CIAO2A: variants seen among roughly 807,000 people sequenced by gnomAD.
CIAO2A encodes the protein MIP18 family protein FAM96A.
A neutral mutation model predicts 22.4 loss-of-function variants in CIAO2A; 17 were observed. That is an observed-to-expected ratio of 0.76 (90% CI 0.52 to 1.14). The LOEUF (loss-of-function observed/expected upper bound fraction) is 1.14. Among genes scored for constraint, CIAO2A ranks in the 50% most tolerant of loss-of-function variants. The pLI is 0.00. For synonymous variants in CIAO2A, 74 were observed against 72.3 expected (o/e 1.02, Z -0.12); for missense variants, 192 against 191.4 (o/e 1.00, Z -0.02).
intron 2 of CIAO2A, among the ~76,000 whole-genome samples, chr15:64,085,757 G>A (rs1046962370): frequency 6.6e-6 from 1 of 151,718 alleles, no homozygotes; most frequent in African/African-American, 2.4e-5. Flanking sequence ...AGCCTGGGCT[G>A]GAGTGCAGTG....
chr15:64,088,744 G>T lies in CIAO2A; in HGVS notation c.232C>A (p.Leu78Met). The T allele has an allele frequency of 1.2e-6, 2 of 1,613,830 alleles. No individual in the cohort carries two copies. The highest frequency in any genetic ancestry group is 1.7e-6 in the Non-Finnish European group (2 of 1,179,918). The change falls in exon 2 of 5, where the codon CTG becomes ATG. Residue 78 changes from leucine to methionine, a missense_variant. Coordinates refer to ENST00000300030, the MANE Select transcript of CIAO2A (RefSeq NM_032231.7). ...GTTGGCGTGAACCTGATAATAACCA[G>T]ATATTCTTCTTCATTTATCTCCTGA... Reference protein sequence around the residue: ...EVQEINEEEYLVIIRFTPTVP... With the variant: ...EVQEINEEEYMVIIRFTPTVP...
chr15:64,083,467 G>A (rs77049701), intron 2 of CIAO2A, among the ~76,000 whole-genome samples: 11,766 of 152,090 alleles, frequency 0.077, 622 homozygotes, highest in Non-Finnish European at 0.12. Context: ...AGTCTTCCTT[G>A]TCAATCACTT....
chr15:64,085,078 T>C (rs1218373367), intron 2 of CIAO2A, among the ~76,000 whole-genome samples: 1 of 121,702 alleles, frequency 8.2e-6, no homozygotes, highest in Non-Finnish European at 1.8e-5. Flanking sequence ...AGACTCTGTC[T>C]CAAAAAATAA....
Position 64,072,955 on chromosome 15 carries a change from T to C in CIAO2A, c.459A>G (p.Glu153=), listed in dbSNP as rs2080684195. 6.2e-7 allele frequency: 1 copy of C among 1,613,596 alleles called. No individual in the cohort carries two copies. Among genetic ancestry groups the C allele is most frequent in the Non-Finnish European group, 8.5e-7 (1 of 1,179,582 alleles). Residue 153 remains glutamate (E), a synonymous_variant, in exon 5 of 5, where the codon GAA becomes GAG. Coordinates refer to ENST00000300030, the MANE Select transcript of CIAO2A (RefSeq NM_032231.7). ...MENPNLREIV[E]QCVLEPD ...ATCAGTCAGGTTCAAGGACACACTG[T>C]TCCACAATTTCCCGTAAGTTGGGGT... is the stretch of plus-strand genomic sequence containing the variant.
Position 64,088,687 on chromosome 15 carries a change from C to A in CIAO2A, c.289G>T (p.Gly97Trp). The change falls in exon 2 of 5, where the codon GGG (glycine) becomes TGG (tryptophan). Residue 97 changes from glycine (G) to tryptophan (W), a missense_variant and splice_region_variant. Physicochemically the swap from Gly to Trp is radical, Grantham distance 184. Transcript: ENST00000300030. ...TACATGTATGTACAGAAAAACTTACCAATAAGAGTCGCCAAAGAGCAATGA... is the reference window on the plus strand; with the variant it reads ...TACATGTATGTACAGAAAAACTTACAAATAAGAGTCGCCAAAGAGCAATGA... ...VPHCSLATLI[G>W]LCLRVKLQRC... The A allele has an allele frequency of 6.2e-7, 1 of 1,605,686 alleles. No individual in the cohort carries two copies. The highest frequency in any genetic ancestry group is 1.1e-5 in the South Asian group (1 of 89,324).
At chr15:64,077,800 G>A (rs1276671646) in intron 3 of CIAO2A, among the ~76,000 whole-genome samples, 1 of 152,206 alleles carries the variant, frequency 6.6e-6, no homozygotes, top group Non-Finnish European at 1.5e-5. Flanking sequence ...GAGCCAGGAG[G>A]AGGGACCGCC....
At chr15:64,088,574 A>C in intron 2 of CIAO2A, 113 bp downstream of exon 2, 1 of 783,352 alleles carries the variant, frequency 1.3e-6, no homozygotes, top group East Asian at 2.7e-5. Flanking sequence ...ATAAAGTGTA[A>C]TACATACACT....
intron 3 of CIAO2A, among the ~76,000 whole-genome samples, chr15:64,078,639 C>CAAAAAAAAAAAAAAAAAA (rs56266808): frequency 2.0e-4 from 26 of 129,118 alleles, no homozygotes; most frequent in African/African-American, 7.3e-4. Flanking sequence ...CCATCGCAAA[C>CAAAAAAAAAAAAAAAAAA]AAAAAAAAAA....
intron 2 of CIAO2A, among the ~76,000 whole-genome samples, chr15:64,088,190 G>C (rs2080812522): frequency 6.6e-6 from 1 of 152,134 alleles, no homozygotes; most frequent in African/African-American, 2.4e-5. Flanking sequence ...CCTCCTACCA[G>C]GACTTCTACC....
intron 2 of CIAO2A, among the ~76,000 whole-genome samples, chr15:64,081,776 T>G (rs1256885709): frequency 6.6e-6 from 1 of 152,168 alleles, no homozygotes; most frequent in South Asian, 2.1e-4. Flanking sequence ...TTACCTCAAG[T>G]GATCCGCCTG....
intron 4 of CIAO2A, chr15:64,074,546 C>T (rs565585753): frequency 6.6e-6 from 1 of 152,278 alleles, no homozygotes; most frequent in Non-Finnish European, 1.5e-5. Flanking sequence ...AAGCCCTCAG[C>T]TCGTGGGGTT....
At chr15:64,085,609 G>A (rs11853292) in intron 2 of CIAO2A, among the ~76,000 whole-genome samples, 110,256 of 152,172 alleles carry the variant, frequency 0.72, 40,601 homozygotes, top group East Asian at 0.81. Context: ...TATTATTCCT[G>A]TTTTACAGAT....
In CIAO2A at chr15:64,093,837, T is replaced by A. The variant is rs554550087; in HGVS notation, c.-69A>T. On this transcript the variant is annotated 5_prime_UTR_variant, in exon 1 of 5. Transcript: ENST00000300030. The stretch of plus-strand genomic sequence containing the variant: ...CGTCTCTCAGCAGCCTCGGGATTGA[T>A]CAACTTCCTGGTCTTCAAATGGGCC... The A allele has an allele frequency of 1.5e-5, 24 of 1,574,994 alleles. No individual in the cohort carries two copies. In the African/African-American group the frequency reaches 2.6e-4, roughly 17 times the overall value.
chr15:64,088,945 T>G (rs2140115730), intron 1 of CIAO2A, 94 bp from the exon 2 acceptor site: 7 of 1,221,928 alleles, frequency 5.7e-6, no homozygotes, highest in East Asian at 5.0e-5. Flanking sequence ...CTGACTTCTC[T>G]TACGTTTAAG....
intron 1 of CIAO2A, among the ~76,000 whole-genome samples, 195 bp downstream of exon 1, chr15:64,093,450 C>T (rs2080860121): frequency 6.6e-6 from 1 of 152,062 alleles, no homozygotes; most frequent in African/African-American, 2.4e-5. Flanking sequence ...GAAAGACCCA[C>T]ACCCCCCACG....
rs950112056 is a variant in CIAO2A at position 64,072,796 on chromosome 15, C to T, written c.*135G>A. ...TAGGTACTACCTTATAATTAAATCTCGCTTGGAAAGAATCCTTTAAAAAAT... is the reference window on the plus strand; with the variant it reads ...TAGGTACTACCTTATAATTAAATCTTGCTTGGAAAGAATCCTTTAAAAAAT... On this transcript the variant is annotated 3_prime_UTR_variant, in exon 5 of 5. Transcript: ENST00000300030. 3.3e-5 allele frequency: 18 copies of T among 548,084 alleles called. No individual in the cohort carries two copies. The highest frequency in any genetic ancestry group is 3.2e-4 in the African/African-American group (17 of 52,414). 34.0% of individuals were successfully genotyped at this position (548,084 alleles called of 1,614,324 possible). A position where few individuals can be genotyped will look rare whatever the true frequency, so the allele number is the denominator to read the frequency against.
chr15:64,088,251 C>G (rs1167990848), intron 2 of CIAO2A, among the ~76,000 whole-genome samples: 1 of 152,194 alleles, frequency 6.6e-6, no homozygotes, highest in Non-Finnish European at 1.5e-5. Flanking sequence ...GTGATGGAAG[C>G]AATGCTAGTC....
chr15:64,082,337 T>C (rs2140110180), intron 2 of CIAO2A, among the ~76,000 whole-genome samples: 1 of 152,280 alleles, frequency 6.6e-6, no homozygotes, highest in East Asian at 1.9e-4. Context: ...CAAGAGATTC[T>C]CCTGTCTCGG....
intron 2 of CIAO2A, among the ~76,000 whole-genome samples, chr15:64,085,231 T>A (rs933002596): frequency 6.6e-6 from 1 of 152,154 alleles, no homozygotes; most frequent in African/African-American, 2.4e-5. Context: ...TATAACTATA[T>A]AATTAAAGAA....
Sources: gnomAD v4.1 joint callset for allele counts (sites outside exome capture counted in the v4.1 genomes callset) on GRCh38, gnomAD v4.1.1 for gene constraint, MANE v1.5 for transcripts, NCBI Gene and HGNC (gene_info 2026-07-23, HGNC 2026-07-21) for gene names.